The following TENT2 variants were observed in gnomAD, a reference collection of about 807,000 sequenced individuals.
TENT2 encodes poly(A) RNA polymerase GLD2.
Under a neutral mutation model 72.2 loss-of-function variants are expected in TENT2, and 44 were observed. That is an observed-to-expected ratio of 0.61 (90% CI 0.48 to 0.78). TENT2 has a LOEUF of 0.78. Among genes scored for constraint, TENT2 ranks in the 30% least tolerant of loss-of-function variants. The probability of loss-of-function intolerance (pLI) is 0.00; values close to 1 mark genes in which losing one functional copy is unlikely to be tolerated. For missense variants in TENT2, 541 were observed against 569.6 expected (o/e 0.95, Z 0.51); for synonymous variants, 212 against 192.5 (o/e 1.10, Z -0.84).
chr5:79,634,180 G>C (rs1451624363), intron 4 of TENT2, among the ~76,000 whole-genome samples: 1 of 149,570 alleles, frequency 6.7e-6, no homozygotes, highest in East Asian at 2.0e-4. Flanking sequence ...AAAACTTTCT[G>C]AATCCCAGCC....
chr5:79,682,668 A>T (rs763145954), intron 14 of TENT2, among the ~76,000 whole-genome samples: 8 of 152,116 alleles, frequency 5.3e-5, no homozygotes, highest in Non-Finnish European at 1.2e-4. Flanking sequence ...TCCTTAGTGT[A>T]TTGGGGAATT....
rs1386694815 is a variant in TENT2 at position 79,628,217 on chromosome 5, C to T, written c.465+4728C>T. Among the ~76,000 whole-genome samples, 4 of 152,176 alleles carry T rather than the reference C, an allele frequency of 2.6e-5. No individual in the cohort carries two copies. In the East Asian group the frequency reaches 7.7e-4, roughly 29 times the overall value. On this transcript the variant is annotated intron_variant, in intron 4 of 14. Coordinates refer to ENST00000453514, the MANE Select transcript of TENT2 (RefSeq NM_001114394.3). ...TGTGCTCGACAGTTTGTTTGGTTTA[C>T]CTCTGTTTACTTCTGTAGAGTATAA...
rs1002628891 is a variant in TENT2 at position 79,656,793 on chromosome 5, T to G, written c.1028-165T>G. The G allele has an allele frequency of 1.7e-5, 9 of 516,188 alleles. No homozygotes were observed. In the Middle Eastern group the frequency reaches 1.5e-3, roughly 88 times the overall value. The allele number at this position is 516,188 out of a possible 1,614,324, so 32.0% of individuals were successfully genotyped here. On this transcript the variant is annotated intron_variant, in intron 10 of 14. Transcript: ENST00000453514. ...TTAGTTTGTCAACTTAAATATATTTTAAATACAAACTTAGGGATAAGAATT... is the reference window on the plus strand; with the variant it reads ...TTAGTTTGTCAACTTAAATATATTTGAAATACAAACTTAGGGATAAGAATT...
At chr5:79,616,068 G>A (rs1016637614) in intron 1 of TENT2, among the ~76,000 whole-genome samples, 1 of 151,430 alleles carries the variant, frequency 6.6e-6, no homozygotes, top group Non-Finnish European at 1.5e-5. Flanking sequence ...TGTATTTTTA[G>A]TAGAGACGGG....
Position 79,685,304 on chromosome 5 carries a change from A to G in TENT2, c.*31A>G. ...CTCTATTTCTTAATAAATTCTTCCA[A>G]GAAATAAAGAACAATAGTTTCATCA... On this transcript the variant is annotated 3_prime_UTR_variant, in exon 15 of 15. Transcript: ENST00000453514. 6.8e-7 allele frequency: 1 copy of G among 1,463,104 alleles called. No individual in the cohort carries two copies. The highest frequency in any genetic ancestry group is 9.4e-7 in the Non-Finnish European group (1 of 1,069,118). 90.6% of individuals were successfully genotyped at this position (1,463,104 alleles called of 1,614,324 possible).
intron 1 of TENT2, among the ~76,000 whole-genome samples, chr5:79,615,721 TG>T (rs1332430820): frequency 1.1e-4 from 16 of 151,664 alleles, no homozygotes; most frequent in Non-Finnish European, 2.1e-4. Flanking sequence ...TTTTTTTTTT[TG>T]TTTTTGAGAC....
intron 1 of TENT2, among the ~76,000 whole-genome samples, chr5:79,614,850 C>T (rs1758317964): frequency 2.6e-5 from 4 of 152,174 alleles, no homozygotes; most frequent in South Asian, 4.2e-4. Context: ...TTTTTATTTT[C>T]ATCAAAATCA....
intron 11 of TENT2, among the ~76,000 whole-genome samples, chr5:79,662,052 ATTTTG>A (rs1803400160): frequency 6.6e-6 from 1 of 152,178 alleles, no homozygotes; most frequent in Non-Finnish European, 1.5e-5. Flanking sequence ...CAGTACTGGT[ATTTTG>A]TTGTCATTTC....
chr5:79,670,935 A>G (rs1009499814), intron 12 of TENT2, among the ~76,000 whole-genome samples: 2 of 151,694 alleles, frequency 1.3e-5, no homozygotes, highest in African/African-American at 4.8e-5. Flanking sequence ...CCAAAACTAC[A>G]TTCTTAATTG....
At chr5:79,631,484 A>G (rs1179855701) in intron 4 of TENT2, among the ~76,000 whole-genome samples, 3 of 152,244 alleles carry the variant, frequency 2.0e-5, no homozygotes, top group African/African-American at 7.2e-5. Context: ...GAGGTTATTC[A>G]TTGGCTAGAA....
intron 8 of TENT2, among the ~76,000 whole-genome samples, chr5:79,646,915 C>T (rs1789521570): frequency 2.0e-5 from 3 of 151,864 alleles, no homozygotes; most frequent in Admixed American, 2.0e-4. Context: ...ACAACAGGCA[C>T]ACACCAACAC....
At chr5:79,669,841 A>C (rs970883465) in intron 12 of TENT2, among the ~76,000 whole-genome samples, 1 of 152,010 alleles carries the variant, frequency 6.6e-6, no homozygotes, top group East Asian at 1.9e-4. Context: ...CGTTTACATA[A>C]TTGTTATCTG....
At chr5:79,667,955 A>G (rs535563147) in intron 11 of TENT2, among the ~76,000 whole-genome samples, 1 of 151,894 alleles carries the variant, frequency 6.6e-6, no homozygotes, top group African/African-American at 2.4e-5. Context: ...TAACGAAAAA[A>G]AAAAATCCAT....
chr5:79,620,728 A>C (rs759167183), intron 3 of TENT2: 5 of 152,224 alleles, frequency 3.3e-5, no homozygotes, highest in Non-Finnish European at 5.9e-5. Context: ...AAATACAGTC[A>C]CATTCTGAGC....
chr5:79,678,270 AT>A, intron 12 of TENT2, among the ~76,000 whole-genome samples: 1 of 152,218 alleles, frequency 6.6e-6, no homozygotes, highest in East Asian at 1.9e-4. Flanking sequence ...ATAGAAATTA[AT>A]CAAATTTCTA....
intron 14 of TENT2, 145 bp downstream of exon 14, chr5:79,682,206 T>C (rs1159351042): frequency 1.9e-6 from 1 of 524,154 alleles, no homozygotes. Context: ...TATTTGAATT[T>C]AGTTAAACTT....
At chr5:79,671,660 C>T (rs1332141787) in intron 12 of TENT2, among the ~76,000 whole-genome samples, 5 of 152,064 alleles carry the variant, frequency 3.3e-5, no homozygotes, top group Non-Finnish European at 4.4e-5. Context: ...CCACCCATCT[C>T]GGCCTCCAAA....
intron 9 of TENT2, 35 bp downstream of exon 9, chr5:79,648,728 T>C (rs1195799214): frequency 2.7e-6 from 4 of 1,461,494 alleles, no homozygotes; most frequent in Non-Finnish European, 3.8e-6. Flanking sequence ...AAATTAGCCT[T>C]TTTTTCTTTA....
At chr5:79,679,505 G>T in intron 12 of TENT2, 74 bp from the exon 13 acceptor site, 1 of 1,088,678 alleles carries the variant, frequency 9.2e-7, no homozygotes, top group Non-Finnish European at 1.3e-6. Flanking sequence ...GTAGGCCTTA[G>T]TATTGATACA....
Sources: gnomAD v4.1 joint callset for allele counts (sites outside exome capture counted in the v4.1 genomes callset) on GRCh38, gnomAD v4.1.1 for gene constraint, MANE v1.5 for transcripts, NCBI Gene and HGNC (gene_info 2026-07-23, HGNC 2026-07-21) for gene names.